Variants in RASSF8 observed in about 807,000 individuals in gnomAD.
The protein encoded by RASSF8 is ras association domain-containing protein 8.
A neutral mutation model predicts 48.5 loss-of-function variants in RASSF8; 22 were observed. The ratio of observed to expected loss-of-function variants is 0.45; its 90% CI spans 0.32 to 0.65. The LOEUF (loss-of-function observed/expected upper bound fraction) is 0.65, where lower values mean the gene tolerates loss of function less well. Among genes scored for constraint, RASSF8 ranks in the 30% least tolerant of loss-of-function variants. The pLI, the probability that RASSF8 is intolerant of heterozygous loss-of-function variation, is 0.03. For missense variants in RASSF8, 418 were observed against 489.2 expected (o/e 0.85, Z 1.37); for synonymous variants, 127 against 171.5 (o/e 0.74, Z 2.03).
chr12:25,984,914 C>T (rs187350527), intron 1 of RASSF8, among the ~76,000 whole-genome samples: 1 of 152,122 alleles, frequency 6.6e-6, no homozygotes, highest in East Asian at 1.9e-4. Flanking sequence ...GCTGATCAGA[C>T]CATTTTTGGA....
chr12:26,074,948 G>A (rs11048402), downstream of RASSF8, among the ~76,000 whole-genome samples: 8,500 of 152,214 alleles, frequency 0.056, 299 homozygotes, highest in Non-Finnish European at 0.08. Context: ...TTTAAGCGTG[G>A]AAATTAAATG....
At chr12:26,048,847 A>C (rs368816077) in intron 2 of RASSF8, among the ~76,000 whole-genome samples, 4 of 151,850 alleles carry the variant, frequency 2.6e-5, no homozygotes, top group African/African-American at 9.7e-5. Context: ...TCCACCTCTC[A>C]TGTTAAAGCG....
chr12:25,990,322 A>C (rs1423793116), intron 1 of RASSF8, among the ~76,000 whole-genome samples: 1 of 152,232 alleles, frequency 6.6e-6, no homozygotes, highest in Admixed American at 6.5e-5. Flanking sequence ...GGTGTTTATC[A>C]AACATTTATT....
At chr12:26,049,819 T>C (rs1279978552) in intron 2 of RASSF8, among the ~76,000 whole-genome samples, 1 of 152,258 alleles carries the variant, frequency 6.6e-6, no homozygotes, top group Non-Finnish European at 1.5e-5. Flanking sequence ...AGTCTCGCTC[T>C]GTCACCCAGG....
Position 26,064,520 on chromosome 12 carries a change from T to G in RASSF8, c.126T>G (p.Leu42=). ...TAGGTCGAACTGGAAGGTACACCCT[T>G]ATAGAGAAATGGAGAGATACTGAAA... ...QAIGRTGRYT[L]IEKWRDTERH... Residue 42 remains leucine (L), a synonymous_variant, in exon 4 of 6, where the codon CTT becomes CTG. Transcript: ENST00000689635. The G allele has an allele frequency of 6.3e-7, 1 of 1,594,670 alleles. No homozygotes were observed. Among genetic ancestry groups the G allele is most frequent in the Non-Finnish European group, 8.6e-7 (1 of 1,168,652 alleles).
At chr12:26,075,651 C>T (rs868048390), downstream of RASSF8, among the ~76,000 whole-genome samples, 2 of 152,268 alleles carry the variant, frequency 1.3e-5, no homozygotes, top group Middle Eastern at 3.4e-3. Context: ...GTACAAATTC[C>T]GTGTACACAA....
At chr12:26,019,609 G>A (rs1023741935) in intron 2 of RASSF8, among the ~76,000 whole-genome samples, 2 of 150,208 alleles carry the variant, frequency 1.3e-5, no homozygotes, top group Admixed American at 1.3e-4. Context: ...GTGTGTCTGT[G>A]TGTGTCTGTG....
At chr12:26,015,125 T>G (rs1942617582) in intron 2 of RASSF8, among the ~76,000 whole-genome samples, 1 of 150,734 alleles carries the variant, frequency 6.6e-6, no homozygotes, top group Admixed American at 6.6e-5. Flanking sequence ...GGGAGGATCA[T>G]AAGCCTGGGA....
chr12:25,970,525 A>C (rs769028524), intron 1 of RASSF8, among the ~76,000 whole-genome samples: 1 of 151,998 alleles, frequency 6.6e-6, no homozygotes, highest in Non-Finnish European at 1.5e-5. Context: ...TCTCATTTAG[A>C]TTGTTTCCTC....
chr12:26,065,217 G>A lies in RASSF8; in HGVS notation c.823G>A (p.Glu275Lys). The A allele has an allele frequency of 6.2e-7, 1 of 1,614,164 alleles. No homozygotes were observed. The highest frequency in any genetic ancestry group is 1.1e-5 in the South Asian group (1 of 91,064). ...GACTATGGAAAGTGGTCTTGAAGCA[G>A]AAAAATTGCAACGGGAAGTTCAAGA... The part of the protein sequence containing the change: ...IRTMESGLEA[E>K]KLQREVQEAQ... The change falls in exon 4 of 6, where the codon GAA (glutamate) becomes AAA (lysine). Residue 275 changes from glutamate to lysine, a missense_variant. Glu to Lys is a moderately conservative substitution (Grantham distance 56). Transcript: ENST00000689635.
intron 1 of RASSF8, among the ~76,000 whole-genome samples, chr12:25,981,498 C>G (rs1217023302): frequency 6.6e-6 from 1 of 152,154 alleles, no homozygotes; most frequent in African/African-American, 2.4e-5. Context: ...GTTGGCAACT[C>G]CAGGATTCCC....
chr12:25,983,830 A>G (rs1941802739), intron 1 of RASSF8, among the ~76,000 whole-genome samples: 1 of 152,222 alleles, frequency 6.6e-6, no homozygotes, highest in Non-Finnish European at 1.5e-5. Flanking sequence ...TGTAGACACC[A>G]TGCAGTCAGT....
intron 2 of RASSF8, among the ~76,000 whole-genome samples, chr12:26,022,803 G>A (rs1464673441): frequency 1.3e-5 from 2 of 151,874 alleles, no homozygotes; most frequent in Non-Finnish European, 2.9e-5. Flanking sequence ...GTGCAATGGC[G>A]CGATCTCGGC....
chr12:25,982,711 G>A (rs7971740), intron 1 of RASSF8, among the ~76,000 whole-genome samples: 72,822 of 151,882 alleles, frequency 0.48, 18,090 homozygotes, highest in Non-Finnish European at 0.56. Context: ...CCTCCTATGG[G>A]GAAAAAAGTT....
At chr12:25,977,035 A>G (rs1317539608) in intron 1 of RASSF8, among the ~76,000 whole-genome samples, 5 of 152,178 alleles carry the variant, frequency 3.3e-5, no homozygotes, top group Non-Finnish European at 5.9e-5. Flanking sequence ...TTTTGTATCC[A>G]TTATCTAATT....
In RASSF8 at chr12:26,070,748, C is replaced by G; in HGVS notation, c.*1930C>G. 1 of 972,664 alleles carries G rather than the reference C, an allele frequency of 1.0e-6. No homozygotes were observed. 60.3% of individuals were successfully genotyped at this position (972,664 alleles called of 1,614,324 possible). A position where few individuals can be genotyped will look rare whatever the true frequency, so the allele number is the denominator to read the frequency against. On this transcript the variant is annotated 3_prime_UTR_variant, in exon 6 of 6. Coordinates refer to ENST00000689635, the MANE Select transcript of RASSF8 (RefSeq NM_001394098.1). ...TGTTCAGAGAAATCAAGATCTTATT[C>G]ACAAAGAAAAACATTTTATAAATTG...
Position 26,055,391 on chromosome 12 carries a change from A to G in RASSF8, c.48A>G (p.Gly16=). Residue 16 remains glycine, a synonymous_variant, in exon 3 of 6, where the codon GGA becomes GGG. Coordinates refer to ENST00000689635, the MANE Select transcript of RASSF8 (RefSeq NM_001394098.1). Reference sequence around the variant, plus strand: ...ATGGAGTTCAGAGGATTGTTTGTGGAGTCACTGAAGTCACAACTTGCCAGG... The same window carrying G: ...ATGGAGTTCAGAGGATTGTTTGTGGGGTCACTGAAGTCACAACTTGCCAGG... ...WVDGVQRIVC[G]VTEVTTCQEV... The G allele has an allele frequency of 6.2e-7, 1 of 1,614,172 alleles. No individual in the cohort carries two copies. The highest frequency in any genetic ancestry group is 8.5e-7 in the Non-Finnish European group (1 of 1,179,990).
In RASSF8 at chr12:26,071,292, A is replaced by G; in HGVS notation, c.*2474A>G. 2.0e-6 allele frequency: 2 copies of G among 983,676 alleles called. No individual in the cohort carries two copies. Among genetic ancestry groups the G allele is most frequent in the Non-Finnish European group, 2.4e-6 (2 of 828,364 alleles). The allele number at this position is 983,676 out of a possible 1,614,324, so 60.9% of individuals were successfully genotyped here. ...GAATTAGATAAGTGCCACATCCTGG[A>G]TACATTTCGGAGGGGTAGTGGGCAA... On this transcript the variant is annotated 3_prime_UTR_variant, in exon 6 of 6. Transcript: ENST00000689635.
At chr12:26,060,308 A>G (rs981887752) in intron 3 of RASSF8, among the ~76,000 whole-genome samples, 2 of 152,208 alleles carry the variant, frequency 1.3e-5, no homozygotes, top group African/African-American at 4.8e-5. Context: ...TGATGTAACT[A>G]TGGTTTGAAT....
Sources: allele counts gnomAD v4.1 joint callset (sites outside exome capture counted in the v4.1 genomes callset), GRCh38; gene constraint gnomAD v4.1.1; transcripts MANE v1.5; gene names NCBI Gene and HGNC (gene_info 2026-07-23, HGNC 2026-07-21).